The following NRG3 variants were observed in gnomAD, a reference collection of about 807,000 sequenced individuals.
The protein encoded by NRG3 is pro-neuregulin-3, membrane-bound isoform.
NRG3 carries 31 observed loss-of-function variants against 66.9 expected under a neutral mutation model. The observed-to-expected ratio is 0.46, with a 90% CI of 0.35 to 0.63. NRG3 has a LOEUF of 0.63. NRG3 is among the 20% of genes least tolerant of loss of function. The probability of loss-of-function intolerance (pLI) is 0.00; values close to 1 mark genes in which losing one functional copy is unlikely to be tolerated. For missense variants in NRG3, 910 were observed against 878.9 expected, an observed-to-expected ratio of 1.04 and a Z score of -0.45; for synonymous variants, 393 against 359.4, an observed-to-expected ratio of 1.09 and a Z score of -1.06.
At chr10:82,634,244 G>A (rs2050033688) in intron 2 of NRG3, among the ~76,000 whole-genome samples, 1 of 152,158 alleles carries the variant, frequency 6.6e-6, no homozygotes, top group Admixed American at 6.5e-5. Flanking sequence ...AGGGTGTCCA[G>A]TCATGACTGG....
At chr10:82,774,412 TA>T (rs1194115604) in intron 3 of NRG3, among the ~76,000 whole-genome samples, 1 of 152,178 alleles carries the variant, frequency 6.6e-6, no homozygotes, top group Non-Finnish European at 1.5e-5. Flanking sequence ...TTTCTTTGTT[TA>T]AAAGTTTTTA....
At chr10:82,259,675 C>A (rs773382926) in intron 1 of NRG3, among the ~76,000 whole-genome samples, 34 of 152,156 alleles carry the variant, frequency 2.2e-4, no homozygotes, top group Non-Finnish European at 4.6e-4. Context: ...TGCCTGTAAT[C>A]CCAGAGCTTT....
intron 1 of NRG3, among the ~76,000 whole-genome samples, chr10:82,328,992 C>T (rs1293965832): frequency 6.6e-6 from 1 of 152,166 alleles, no homozygotes; most frequent in Non-Finnish European, 1.5e-5. Context: ...TTCATGCCAA[C>T]TATATATTTC....
chr10:82,248,122 C>T (rs189487858), intron 1 of NRG3, among the ~76,000 whole-genome samples: 8 of 152,250 alleles, frequency 5.3e-5, no homozygotes, highest in Admixed American at 6.5e-5. Flanking sequence ...ATAACCGTAA[C>T]CCTGCTCTAA....
intron 2 of NRG3, among the ~76,000 whole-genome samples, chr10:82,703,801 G>C (rs2056082800): frequency 6.6e-6 from 1 of 152,092 alleles, no homozygotes; most frequent in Non-Finnish European, 1.5e-5. Context: ...GACCACAAGA[G>C]ACCTTCTTTT....
intron 1 of NRG3, among the ~76,000 whole-genome samples, chr10:82,339,765 C>T (rs975679194): frequency 1.3e-5 from 2 of 151,064 alleles, no homozygotes; most frequent in African/African-American, 4.9e-5. Flanking sequence ...TGGTCCTTAA[C>T]ACTTTGGTTG....
chr10:82,918,351 C>G (rs1014965814), intron 4 of NRG3, among the ~76,000 whole-genome samples: 2 of 152,082 alleles, frequency 1.3e-5, no homozygotes, highest in African/African-American at 4.8e-5. Flanking sequence ...AGAAGACTGT[C>G]AGCAGGTATT....
chr10:82,142,590 T>C (rs891743429), intron 1 of NRG3, among the ~76,000 whole-genome samples: 1 of 152,026 alleles, frequency 6.6e-6, no homozygotes, highest in African/African-American at 2.4e-5. Flanking sequence ...TATGCTGAGC[T>C]CAGCTGACTT....
At chr10:82,193,121 C>T (rs754695937) in intron 1 of NRG3, among the ~76,000 whole-genome samples, 5 of 152,006 alleles carry the variant, frequency 3.3e-5, no homozygotes, top group South Asian at 2.1e-4. Context: ...GTTTGGTGCA[C>T]GACAGTGACA....
At chr10:82,407,596 T>G (rs887785977) in intron 2 of NRG3, among the ~76,000 whole-genome samples, 1 of 152,190 alleles carries the variant, frequency 6.6e-6, no homozygotes, top group African/African-American at 2.4e-5. Flanking sequence ...TTAGTTTAGC[T>G]TACAGATGGA....
At chr10:81,957,485 C>G (rs543579330) in intron 1 of NRG3, among the ~76,000 whole-genome samples, 175 of 152,250 alleles carry the variant, frequency 1.1e-3, no homozygotes, top group Non-Finnish European at 1.5e-3. Context: ...GTCATACTAC[C>G]CTGCTTTATT....
chr10:82,690,861 A>G (rs2054870517), intron 2 of NRG3, among the ~76,000 whole-genome samples: 1 of 152,164 alleles, frequency 6.6e-6, no homozygotes, highest in African/African-American at 2.4e-5. Context: ...TGATGTAAAA[A>G]TAAAGTTTAT....
At chr10:82,501,960 C>T (rs1844231217) in intron 2 of NRG3, among the ~76,000 whole-genome samples, 1 of 152,098 alleles carries the variant, frequency 6.6e-6, no homozygotes, top group Non-Finnish European at 1.5e-5. Flanking sequence ...CTGCCTGGCA[C>T]ATAACATAGG....
intron 3 of NRG3, among the ~76,000 whole-genome samples, chr10:82,739,563 T>C (rs1349641639): frequency 6.6e-6 from 1 of 152,232 alleles, no homozygotes; most frequent in Non-Finnish European, 1.5e-5. Context: ...ATAATGAACG[T>C]GTCTAGGCAT....
At chr10:82,510,740 C>T (rs977814874) in intron 2 of NRG3, among the ~76,000 whole-genome samples, 2 of 152,118 alleles carry the variant, frequency 1.3e-5, no homozygotes, top group Non-Finnish European at 2.9e-5. Context: ...TTTCTTTTTT[C>T]TTTCTGCTAC....
intron 2 of NRG3, among the ~76,000 whole-genome samples, chr10:82,360,122 C>G (rs1290065308): frequency 2.6e-5 from 4 of 152,176 alleles, no homozygotes; most frequent in African/African-American, 9.7e-5. Flanking sequence ...TGCATTCACC[C>G]TAGTTACAAA....
At chr10:82,083,580 T>G (rs1288231482) in intron 1 of NRG3, among the ~76,000 whole-genome samples, 1 of 146,248 alleles carries the variant, frequency 6.8e-6, no homozygotes, top group Non-Finnish European at 1.5e-5. Context: ...AACCTCTCCT[T>G]TACACCATTT....
chr10:82,870,262 A>G (rs2135981816), intron 4 of NRG3, among the ~76,000 whole-genome samples: 1 of 152,192 alleles, frequency 6.6e-6, no homozygotes, highest in Middle Eastern at 3.4e-3. Context: ...TCACTTAGTA[A>G]TTTTCTCATG....
At chr10:81,951,112 A>C (rs757736979) in intron 1 of NRG3, among the ~76,000 whole-genome samples, 4 of 152,178 alleles carry the variant, frequency 2.6e-5, no homozygotes, top group Non-Finnish European at 5.9e-5. Context: ...GCAGCCAGTC[A>C]TGTGGCTGCT....
Sources: allele counts gnomAD v4.1 joint callset (sites outside exome capture counted in the v4.1 genomes callset), GRCh38; gene constraint gnomAD v4.1.1; transcripts MANE v1.5; gene names NCBI Gene and HGNC (gene_info 2026-07-23, HGNC 2026-07-21).